DMD: variants seen among roughly 807,000 people sequenced by gnomAD.
DMD encodes the protein dystrophin.
DMD carries 63 observed loss-of-function variants against 330.1 expected under a neutral mutation model. The ratio of observed to expected loss-of-function variants is 0.19; its 90% CI spans 0.16 to 0.24. DMD has a LOEUF of 0.24. Ranked by LOEUF, DMD falls within the 10% of genes least tolerant of loss-of-function variation. The probability of loss-of-function intolerance (pLI) is 1.00; values close to 1 mark genes in which losing one functional copy is unlikely to be tolerated. For missense variants in DMD, 3,344 were observed against 2,684.1 expected, an observed-to-expected ratio of 1.25 and a Z score of -5.43; for synonymous variants, 1,223 against 959.8, an observed-to-expected ratio of 1.27 and a Z score of -5.07.
intron 11 of DMD, among the ~76,000 whole-genome samples, chrX:32,638,562 C>A: frequency 9.0e-6 from 1 of 111,547 alleles, no homozygotes; most frequent in Non-Finnish European, 1.9e-5. Flanking sequence ...TGCTACTGGT[C>A]CTACACCACC....
intron 44 of DMD, among the ~76,000 whole-genome samples, chrX:32,088,971 G>T (rs1036219927): frequency 9.8e-5 from 11 of 111,947 alleles, no homozygotes; most frequent in African/African-American, 1.6e-4. Context: ...GGCCTAGGCT[G>T]AAACATGAAC....
chrX:32,868,653 T>C (rs1452253400), intron 2 of DMD, among the ~76,000 whole-genome samples: 2 of 112,553 alleles, frequency 1.8e-5, no homozygotes, highest in Non-Finnish European at 3.8e-5. Flanking sequence ...GATTGCCTCA[T>C]TAGGCCGGAC....
intron 52 of DMD, among the ~76,000 whole-genome samples, chrX:31,724,236 C>G (rs2085826349): frequency 8.9e-6 from 1 of 112,391 alleles, no homozygotes; most frequent in South Asian, 3.7e-4. Flanking sequence ...GAGGAAGATA[C>G]TGGCTGGCAT....
intron 30 of DMD, among the ~76,000 whole-genome samples, chrX:32,402,020 G>C (rs768969631): frequency 2.7e-5 from 3 of 112,011 alleles, no homozygotes; most frequent in African/African-American, 9.7e-5. Context: ...TTATTAAAGT[G>C]GAGAAAGCAG....
intron 55 of DMD, among the ~76,000 whole-genome samples, chrX:31,595,283 A>G (rs1183278785): frequency 2.7e-5 from 3 of 111,337 alleles, no homozygotes; most frequent in Non-Finnish European, 3.8e-5. Flanking sequence ...GGCTCATGGT[A>G]AATATTACAT....
At chrX:31,246,291 G>A (rs925619193) in intron 63 of DMD, among the ~76,000 whole-genome samples, 4 of 112,037 alleles carry the variant, frequency 3.6e-5, no homozygotes, top group African/African-American at 1.3e-4. Flanking sequence ...AGCTAGTAGA[G>A]GTTGCTTCAA....
chrX:31,895,929 C>T (rs1422400151), intron 47 of DMD, among the ~76,000 whole-genome samples: 2 of 112,019 alleles, frequency 1.8e-5, no homozygotes, highest in African/African-American at 3.2e-5. Flanking sequence ...AACTTCTCTG[C>T]TTCCAATTTC....
At chrX:31,205,483 T>C (rs1422080161) in intron 66 of DMD, among the ~76,000 whole-genome samples, 1 of 112,327 alleles carries the variant, frequency 8.9e-6, no homozygotes, top group Non-Finnish European at 1.9e-5. Context: ...TCCTCAATTA[T>C]TCAATTTAAT....
At chrX:32,453,235 C>T (rs1368002320) in intron 26 of DMD, among the ~76,000 whole-genome samples, 2 of 110,848 alleles carry the variant, frequency 1.8e-5, no homozygotes, top group Admixed American at 9.6e-5. Context: ...TGGTCTTGCT[C>T]ACCACCCTCT....
At chrX:31,913,493 G>A (rs1203705870) in intron 47 of DMD, among the ~76,000 whole-genome samples, 1 of 111,286 alleles carries the variant, frequency 9.0e-6, no homozygotes, top group Non-Finnish European at 1.9e-5. Context: ...AATCCTTTCT[G>A]GTGACATTAT....
At chrX:31,831,910 G>A (rs371138305) in intron 49 of DMD, among the ~76,000 whole-genome samples, 1 of 112,691 alleles carries the variant, frequency 8.9e-6, no homozygotes, top group Non-Finnish European at 1.9e-5. Flanking sequence ...TCGCAAACTT[G>A]TAATTTAAAA....
chrX:31,174,358 A>T (rs2040304959), intron 71 of DMD, among the ~76,000 whole-genome samples: 1 of 111,946 alleles, frequency 8.9e-6, no homozygotes. Flanking sequence ...TTTTGTATAT[A>T]AACACCTATC....
chrX:31,308,589 T>G (rs1309460919), intron 62 of DMD, among the ~76,000 whole-genome samples: 2 of 111,684 alleles, frequency 1.8e-5, no homozygotes, highest in African/African-American at 3.3e-5. Context: ...ATTTATTTAT[T>G]TATTTCTAGA....
intron 7 of DMD, among the ~76,000 whole-genome samples, chrX:32,775,183 C>T (rs2074013583): frequency 8.9e-6 from 1 of 112,747 alleles, no homozygotes; most frequent in South Asian, 3.6e-4. Flanking sequence ...CAGCTCCACG[C>T]CTGTGGCTCT....
intron 1 of DMD, among the ~76,000 whole-genome samples, chrX:33,112,967 T>A (rs186349491): frequency 0.027 from 2,853 of 106,964 alleles, 103 homozygotes; most frequent in African/African-American, 0.093. Context: ...ATAAATAAAA[T>A]AAATAAAGTA....
chrX:32,388,489 A>T (rs1461933135), intron 32 of DMD, among the ~76,000 whole-genome samples: 1 of 109,299 alleles, frequency 9.1e-6, no homozygotes, highest in Non-Finnish European at 1.9e-5. Flanking sequence ...TATACCACTA[A>T]AATGCAGCTT....
intron 55 of DMD, among the ~76,000 whole-genome samples, chrX:31,564,825 C>T (rs966405481): frequency 1.8e-5 from 2 of 111,658 alleles, no homozygotes; most frequent in African/African-American, 6.5e-5. Flanking sequence ...ACAATGTTAA[C>T]ATGTGTTCAA....
intron 7 of DMD, among the ~76,000 whole-genome samples, chrX:32,780,158 AT>A (rs1324142106): frequency 1.8e-5 from 2 of 111,837 alleles, no homozygotes; most frequent in Non-Finnish European, 3.8e-5. Flanking sequence ...TATGTTTCTA[AT>A]TGTAACAGTC....
chrX:32,439,379 A>C (rs2098272880), intron 28 of DMD, among the ~76,000 whole-genome samples: 1 of 111,466 alleles, frequency 9.0e-6, no homozygotes, highest in Admixed American at 9.6e-5. Context: ...CCTGTAAAAT[A>C]CTTTAAAAGC....
Sources: gnomAD v4.1 joint callset for allele counts (sites outside exome capture counted in the v4.1 genomes callset) on GRCh38, gnomAD v4.1.1 for gene constraint, MANE v1.5 for transcripts, NCBI Gene and HGNC (gene_info 2026-07-23, HGNC 2026-07-21) for gene names.